Variants in ZNF385D observed in about 807,000 individuals in gnomAD.
ZNF385D encodes zinc finger protein 659.
Under a neutral mutation model 35.8 loss-of-function variants are expected in ZNF385D, and 15 were observed. That is an observed-to-expected ratio of 0.42 (90% CI 0.28 to 0.64). The LOEUF (loss-of-function observed/expected upper bound fraction) is 0.64, where lower values mean the gene tolerates loss of function less well. ZNF385D is among the 30% of genes least tolerant of loss of function. The pLI is 0.23. For missense variants in ZNF385D, 474 were observed against 494.6 expected (o/e 0.96, Z 0.39); for synonymous variants, 212 against 186.8 (o/e 1.13, Z -1.10).
At chr3:21,424,317 A>ATATATATATATATATAT (rs1221923155) in intron 6 of ZNF385D, among the ~76,000 whole-genome samples, 4 of 63,810 alleles carry the variant, frequency 6.3e-5, no homozygotes, top group African/African-American at 2.5e-4. Flanking sequence ...ATATATATAT[A>ATATATATATATATATAT]TTTTTTTTTT....
intron 4 of ZNF385D, among the ~76,000 whole-genome samples, chr3:21,471,769 C>A (rs1423142599): frequency 6.6e-6 from 1 of 152,032 alleles, no homozygotes; most frequent in Non-Finnish European, 1.5e-5. Flanking sequence ...AAAATTATTT[C>A]TTTTTGAGTA....
chr3:21,962,315 A>C (rs2125321308), intron 3 of ZNF385D, among the ~76,000 whole-genome samples: 1 of 152,122 alleles, frequency 6.6e-6, no homozygotes, highest in African/African-American at 2.4e-5. Flanking sequence ...TAGAAGGTAA[A>C]TTCTAGGTTA....
intron 3 of ZNF385D, among the ~76,000 whole-genome samples, chr3:21,944,141 C>G (rs1701664246): frequency 6.6e-6 from 1 of 152,184 alleles, no homozygotes; most frequent in Non-Finnish European, 1.5e-5. Flanking sequence ...ATACAGCACT[C>G]TTCTTTTCTA....
At position 22,198,271 on chromosome 3, in the gene ZNF385D, G is replaced by T. The variant is rs1696553368; in HGVS notation, c.107-29236C>A. On this transcript the variant is annotated intron_variant, in intron 2 of 5. Coordinates refer to the ZNF385D transcript ENST00000494108. ...TTTAAAGATAAAGATTGTATATTTA[G>T]AAATAAGAGGACAATAATATTCTTA... Among the ~76,000 whole-genome samples, 3 of 152,040 alleles carry T rather than the reference G, an allele frequency of 2.0e-5. No homozygotes were observed. The South Asian group carries it at 6.2e-4, about 31-fold the overall frequency.
chr3:21,799,148 G>A (rs1405908627), intron 3 of ZNF385D, among the ~76,000 whole-genome samples: 1 of 152,080 alleles, frequency 6.6e-6, no homozygotes, highest in Non-Finnish European at 1.5e-5. Flanking sequence ...CATTTTTGTG[G>A]CAGAAACATA....
intron 3 of ZNF385D, among the ~76,000 whole-genome samples, chr3:21,911,504 T>C (rs1293999019): frequency 6.6e-6 from 1 of 151,968 alleles, no homozygotes; most frequent in Non-Finnish European, 1.5e-5. Flanking sequence ...GTTTTTTATT[T>C]GTATTATGGC....
intron 2 of ZNF385D, among the ~76,000 whole-genome samples, chr3:21,621,554 CGTGTGT>C (rs58332425): frequency 7.4e-4 from 101 of 136,988 alleles, no homozygotes; most frequent in Non-Finnish European, 1.0e-3. Context: ...AAAAAATTCC[CGTGTGT>C]GTGTGTGTGT....
chr3:22,156,913 C>G (rs918959321), intron 3 of ZNF385D, among the ~76,000 whole-genome samples: 3 of 152,140 alleles, frequency 2.0e-5, no homozygotes, highest in Admixed American at 6.6e-5. Context: ...ATTTAAACAG[C>G]TTCTCAAAGA....
At chr3:21,880,809 G>T (rs1256318254) in intron 3 of ZNF385D, among the ~76,000 whole-genome samples, 1 of 151,844 alleles carries the variant, frequency 6.6e-6, no homozygotes, top group East Asian at 1.9e-4. Context: ...GAAAAAAATG[G>T]AAAATGCTAC....
intron 3 of ZNF385D, among the ~76,000 whole-genome samples, chr3:21,912,368 T>G (rs1481465112): frequency 6.6e-6 from 1 of 151,064 alleles, no homozygotes; most frequent in East Asian, 1.9e-4. Flanking sequence ...GAGATGACAG[T>G]TAACATCAAG....
chr3:21,758,975 C>CAAA (rs58450064), intron 3 of ZNF385D, among the ~76,000 whole-genome samples: 1,588 of 29,218 alleles, frequency 0.054, 549 homozygotes, highest in East Asian at 0.17. Flanking sequence ...TCATCACTGG[C>CAAA]AAAAAAAAAA....
intron 2 of ZNF385D, among the ~76,000 whole-genome samples, chr3:21,636,354 T>TTATATGTGATTATA (rs2065432158): frequency 9.1e-6 from 1 of 109,802 alleles, no homozygotes; most frequent in African/African-American, 3.3e-5. Context: ...ATATATATGA[T>TTATATGTGATTATA]TATATATGAT....
chr3:21,919,888 T>G (rs1233323565), intron 3 of ZNF385D, among the ~76,000 whole-genome samples: 1 of 152,232 alleles, frequency 6.6e-6, no homozygotes, highest in Non-Finnish European at 1.5e-5. Flanking sequence ...TTTTCCAAAG[T>G]GTCTCTGCCA....
rs758627938 is a variant in ZNF385D, at chr3:21,922,468, A to T, written c.325+246349T>A. On this transcript the variant is annotated intron_variant, in intron 3 of 5. Transcript: ENST00000494108. ...ATATACCAATGGAACAGAATAGACA[A>T]CCCAGAAATAGAGTCACACACGTAC... Among the ~76,000 whole-genome samples, 37 of 152,174 alleles carry T rather than the reference A, an allele frequency of 2.4e-4. 1 individual carries two copies. Among genetic ancestry groups the T allele is most frequent in the Non-Finnish European group, 3.4e-4 (23 of 68,020 alleles).
At chr3:21,847,049 A>C (rs1696051654) in intron 3 of ZNF385D, among the ~76,000 whole-genome samples, 1 of 152,044 alleles carries the variant, frequency 6.6e-6, no homozygotes, top group Admixed American at 6.6e-5. Context: ...CAGGGCTTCA[A>C]CCTGAACTTT....
chr3:21,625,233 G>T (rs1243814279), intron 2 of ZNF385D, among the ~76,000 whole-genome samples: 1 of 152,034 alleles, frequency 6.6e-6, no homozygotes, highest in Non-Finnish European at 1.5e-5. Flanking sequence ...GACTTCCTAA[G>T]TCTTCCCAAG....
chr3:22,328,471 A>G (rs1694776129), intron 2 of ZNF385D, among the ~76,000 whole-genome samples: 1 of 152,200 alleles, frequency 6.6e-6, no homozygotes. Flanking sequence ...ATATTTTAAA[A>G]TAAAAAAAAC....
intron 1 of ZNF385D, among the ~76,000 whole-genome samples, chr3:21,680,707 G>A (rs2125311232): frequency 6.6e-6 from 1 of 152,228 alleles, no homozygotes; most frequent in East Asian, 1.9e-4. Flanking sequence ...AACTACTCCA[G>A]CCAAAATTTT....
intron 2 of ZNF385D, among the ~76,000 whole-genome samples, chr3:22,331,847 C>A (rs754579854): frequency 1.3e-5 from 2 of 152,100 alleles, no homozygotes; most frequent in African/African-American, 2.4e-5. Flanking sequence ...AGATTCAAAA[C>A]TGACATCATT....
Sources: gnomAD v4.1 joint callset for allele counts (sites outside exome capture counted in the v4.1 genomes callset) on GRCh38, gnomAD v4.1.1 for gene constraint, MANE v1.5 for transcripts, NCBI Gene and HGNC (gene_info 2026-07-23, HGNC 2026-07-21) for gene names.